NBAS: variants seen among roughly 807,000 people sequenced by gnomAD.
NBAS encodes the protein NBAS subunit of NRZ tethering complex.
Under a neutral mutation model 302.5 loss-of-function variants are expected in NBAS, and 219 were observed. That is an observed-to-expected ratio of 0.72 (90% CI 0.65 to 0.81). The LOEUF (loss-of-function observed/expected upper bound fraction) is 0.81, where lower values mean the gene tolerates loss of function less well. NBAS is among the 30% of genes least tolerant of loss of function. The pLI is 0.00. For synonymous variants in NBAS, 1,118 were observed against 1,021.6 expected, an observed-to-expected ratio of 1.09 and a Z score of -1.80; for missense variants, 2,932 against 2,841.6, an observed-to-expected ratio of 1.03 and a Z score of -0.72.
At chr2:15,292,792 A>G in intron 40 of NBAS, 26 bp from the exon 41 acceptor site, 2 of 1,606,074 alleles carry the variant, frequency 1.2e-6, no homozygotes, top group Non-Finnish European at 1.7e-6. Flanking sequence ...AAAAGAAGAC[A>G]TTTTACCAAC....
At chr2:15,041,072 T>C in the NBAS span, among the ~76,000 whole-genome samples, 1 of 152,174 alleles carries the variant, frequency 6.6e-6, no homozygotes, top group African/African-American at 2.4e-5. Flanking sequence ...AATCCTTCAA[T>C]AGGAGCTCCC....
chr2:15,284,199 T>C (rs1219884782), intron 42 of NBAS, among the ~76,000 whole-genome samples: 6 of 149,946 alleles, frequency 4.0e-5, no homozygotes, highest in East Asian at 1.9e-4. Context: ...CAAAAACATA[T>C]GTGTTCATGA....
At chr2:15,381,407 A>G (rs1212132787) in intron 29 of NBAS, among the ~76,000 whole-genome samples, 2 of 152,214 alleles carry the variant, frequency 1.3e-5, no homozygotes, top group Admixed American at 6.5e-5. Flanking sequence ...CTGTTATAAT[A>G]TGCTTTCAAA....
the NBAS span, among the ~76,000 whole-genome samples, chr2:15,038,348 T>A: frequency 6.6e-6 from 1 of 151,646 alleles, no homozygotes; most frequent in Non-Finnish European, 1.5e-5. Flanking sequence ...CCTGACCTTG[T>A]GATTCGCCTG....
chr2:15,247,574 G>A (rs953087096), intron 44 of NBAS, among the ~76,000 whole-genome samples: 2 of 151,874 alleles, frequency 1.3e-5, no homozygotes, highest in African/African-American at 2.4e-5. Flanking sequence ...CCTAGTCTCT[G>A]ATACAACAGA....
At chr2:15,424,662 T>A (rs1406206560) in intron 22 of NBAS, among the ~76,000 whole-genome samples, 194 bp from the exon 23 acceptor site, 1 of 152,166 alleles carries the variant, frequency 6.6e-6, no homozygotes, top group Non-Finnish European at 1.5e-5. Flanking sequence ...GCGTAATTTA[T>A]TTTCCCCCCG....
the NBAS span, among the ~76,000 whole-genome samples, chr2:15,057,252 G>A: frequency 6.8e-6 from 1 of 146,428 alleles, no homozygotes; most frequent in Non-Finnish European, 1.5e-5. Context: ...AGCACTCCGT[G>A]TTCTCAGCAA....
chr2:15,019,870 T>A, the NBAS span, among the ~76,000 whole-genome samples: 2 of 152,198 alleles, frequency 1.3e-5, no homozygotes, highest in Non-Finnish European at 2.9e-5. Context: ...TGTTAGCACC[T>A]TGATCCAAGA....
At chr2:15,399,504 C>G (rs757693127) in intron 26 of NBAS, among the ~76,000 whole-genome samples, 1 of 151,930 alleles carries the variant, frequency 6.6e-6, no homozygotes, top group Non-Finnish European at 1.5e-5. Context: ...CTACAGTTCT[C>G]AGAGACACAC....
At chr2:15,154,884 C>T in the NBAS span, among the ~76,000 whole-genome samples, 1 of 152,166 alleles carries the variant, frequency 6.6e-6, no homozygotes, top group African/African-American at 2.4e-5. Context: ...AGAAGCTGCT[C>T]CCTCCAGCCC....
chr2:14,811,614 CT>C, the NBAS span, among the ~76,000 whole-genome samples: 1 of 151,988 alleles, frequency 6.6e-6, no homozygotes, highest in African/African-American at 2.4e-5. Context: ...CACAGAATAT[CT>C]AGTCTGAATG....
chr2:14,895,216 T>C, the NBAS span, among the ~76,000 whole-genome samples: 4 of 152,102 alleles, frequency 2.6e-5, no homozygotes, highest in African/African-American at 9.7e-5. Context: ...CAGATAACTG[T>C]TGTGTTGTTG....
chr2:15,271,415 A>G lies in NBAS; in HGVS notation c.5724+4069T>C, dbSNP rs556982736. Among the ~76,000 whole-genome samples the G allele has an allele frequency of 7.9e-5, 12 of 152,348 alleles. No individual in the cohort carries two copies. In the South Asian group the frequency reaches 2.5e-3, roughly 32 times the overall value. On this transcript the variant is annotated intron_variant, in intron 44 of 51. Transcript: ENST00000281513. The stretch of plus-strand genomic sequence containing the variant: ...ATCCAAAGGAGACAACATGTTTCCC[A>G]TTAGAAGCAGTGGTTTACGATGGCA...
At chr2:15,068,048 G>C in the NBAS span, among the ~76,000 whole-genome samples, 1 of 152,154 alleles carries the variant, frequency 6.6e-6, no homozygotes, top group African/African-American at 2.4e-5. Flanking sequence ...ATTACTTCTA[G>C]AATTGTTCTA....
chr2:14,905,563 G>A, the NBAS span, among the ~76,000 whole-genome samples: 2 of 152,214 alleles, frequency 1.3e-5, no homozygotes, highest in African/African-American at 4.8e-5. Flanking sequence ...CAAATAGCCT[G>A]GCCAACAGAG....
intron 23 of NBAS, among the ~76,000 whole-genome samples, chr2:15,417,913 C>A (rs530210570): frequency 3.3e-5 from 5 of 152,246 alleles, no homozygotes; most frequent in Middle Eastern, 3.4e-3. Context: ...TCAAAGGAAT[C>A]AAACAATCAG....
intron 25 of NBAS, among the ~76,000 whole-genome samples, chr2:15,414,459 G>T (rs768429499): frequency 1.3e-5 from 2 of 152,292 alleles, no homozygotes; most frequent in East Asian, 3.9e-4. Context: ...CCAATGGAAA[G>T]GGAGACACTA....
intron 28 of NBAS, among the ~76,000 whole-genome samples, chr2:15,391,093 G>C (rs1284400845): frequency 6.6e-6 from 1 of 151,348 alleles, no homozygotes; most frequent in African/African-American, 2.4e-5. Flanking sequence ...CTGGGCGACA[G>C]AGCAAGATTC....
At chr2:15,359,325 G>A (rs1052525904) in intron 32 of NBAS, among the ~76,000 whole-genome samples, 1 of 152,164 alleles carries the variant, frequency 6.6e-6, no homozygotes, top group African/African-American at 2.4e-5. Flanking sequence ...AAAAGTTTTT[G>A]TCCCAACAGG....
Sources: allele counts gnomAD v4.1 joint callset (sites outside exome capture counted in the v4.1 genomes callset), GRCh38; gene constraint gnomAD v4.1.1; transcripts MANE v1.5; gene names NCBI Gene and HGNC (gene_info 2026-07-23, HGNC 2026-07-21).